The following HHATL variants were observed in gnomAD, a reference collection of about 807,000 sequenced individuals.
HHATL encodes protein-cysteine N-palmitoyltransferase HHAT-like protein.
A neutral mutation model predicts 59.7 loss-of-function variants in HHATL; 49 were observed. That is an observed-to-expected ratio of 0.82 (90% CI 0.65 to 1.04). The LOEUF is 1.04. HHATL is among the 50% of genes least tolerant of loss of function. The pLI, the probability that HHATL is intolerant of heterozygous loss-of-function variation, is 0.00. For missense variants in HHATL, 605 were observed against 650.8 expected (o/e 0.93, Z 0.77); for synonymous variants, 238 against 257.3 (o/e 0.93, Z 0.72).
At chr3:42,700,218 GTT>G (rs1697886472) in intron 2 of HHATL, among the ~76,000 whole-genome samples, 1 of 148,650 alleles carries the variant, frequency 6.7e-6, no homozygotes, top group Non-Finnish European at 1.5e-5. Flanking sequence ...ATGTCTGTGT[GTT>G]TGTGTGTGTG....
intron 7 of HHATL, 114 bp from the exon 8 acceptor site, chr3:42,697,259 G>T: frequency 7.5e-7 from 1 of 1,334,634 alleles, no homozygotes; most frequent in Non-Finnish European, 1.0e-6. Flanking sequence ...GCCCCACGGA[G>T]ACCCCCCCAT....
In HHATL at chr3:42,699,765, C is replaced by T. The variant is rs771353911; in HGVS notation, c.167G>A (p.Arg56Gln). Reference sequence around the variant, plus strand: ...GGGATGTGGGGGACCTACCATCTTCCGGCCAATGTACTCCCAGCCAGGTCG... The same window carrying T: ...GGGATGTGGGGGACCTACCATCTTCTGGCCAATGTACTCCCAGCCAGGTCG... ...SVRPGWEYIG[R>Q]KMDVADFEWV... The change falls in exon 3 of 12, where the codon CGG becomes CAG. Residue 56 changes from arginine (R) to glutamine (Q), a missense_variant. Physicochemically the swap from Arg to Gln is conservative, Grantham distance 43 (BLOSUM62 1). Coordinates refer to ENST00000441594, the MANE Select transcript of HHATL (RefSeq NM_020707.4). 21 of 1,579,448 alleles carry T rather than the reference C, an allele frequency of 1.3e-5. No individual in the cohort carries two copies. Among genetic ancestry groups the T allele is most frequent in the Admixed American group, 8.9e-5 (5 of 55,880 alleles).
At chr3:42,693,298 C>T (rs1295185046) in intron 10 of HHATL, 80 bp from the exon 11 acceptor site, 1 of 1,558,744 alleles carries the variant, frequency 6.4e-7, no homozygotes, top group Non-Finnish European at 8.7e-7. Context: ...GCCTTACCCA[C>T]CTGGCCAGTC....
chr3:42,698,611 G>T, intron 5 of HHATL, 97 bp downstream of exon 5: 1 of 1,386,978 alleles, frequency 7.2e-7, no homozygotes, highest in Non-Finnish European at 9.8e-7. Context: ...GGAAAGTGAA[G>T]GGAATACTTG....
Position 42,701,078 on chromosome 3 carries a change from C to T in HHATL, c.-13-239G>A, listed in dbSNP as rs9837412. On this transcript the variant is annotated intron_variant, in intron 1 of 11. Transcript: ENST00000441594. The surrounding 1 kb of genome is among the most constrained non-coding windows in gnomAD (Gnocchi z 5.1). ...CACCCCACCCATCAAGGCTCTTGCC[C>T]GCAGAGCCCTCACTCGCAGCCTGCC... 10 of 497,712 alleles carry T rather than the reference C, an allele frequency of 2.0e-5. No individual in the cohort carries two copies. The highest frequency in any genetic ancestry group is 6.3e-5 in the South Asian group (2 of 31,818). 30.8% of individuals were successfully genotyped at this position (497,712 alleles called of 1,614,324 possible). A position where few individuals can be genotyped will look rare whatever the true frequency, so the allele number is the denominator to read the frequency against.
chr3:42,697,410 G>T, intron 7 of HHATL, 98 bp downstream of exon 7: 1 of 1,372,484 alleles, frequency 7.3e-7, no homozygotes, highest in Non-Finnish European at 1.0e-6. Flanking sequence ...GCTGTGCCCT[G>T]CGTGCCTCAG....
intron 8 of HHATL, 22 bp from the exon 9 acceptor site, chr3:42,696,899 G>T: frequency 1.2e-6 from 2 of 1,614,148 alleles, no homozygotes; most frequent in Non-Finnish European, 1.7e-6. Context: ...AAGCAGATGG[G>T]CATGTTGCCA....
Position 42,700,812 on chromosome 3 carries a change from T to A in HHATL, c.15A>T (p.Thr5=). The A allele has an allele frequency of 1.2e-6, 2 of 1,613,700 alleles. No homozygotes were observed. The highest frequency in any genetic ancestry group is 1.7e-6 in the Non-Finnish European group (2 of 1,179,696). Residue 5 remains threonine (T), a synonymous_variant, in exon 2 of 12, where the codon ACA becomes ACT. Coordinates refer to ENST00000441594, the MANE Select transcript of HHATL (RefSeq NM_020707.4). MGIK[T]ALPAAELGLY... ...GGCCCAGCTCAGCCGCCGGCAATGC[T>A]GTCTTGATGCCCATAGCCTGGACAG...
In HHATL at chr3:42,699,821, C is replaced by A; in HGVS notation, c.111G>T (p.Gly37=). 1 of 1,561,738 alleles carries A rather than the reference C, an allele frequency of 6.4e-7. No individual in the cohort carries two copies. The highest frequency in any genetic ancestry group is 8.7e-7 in the Non-Finnish European group (1 of 1,152,286). ...GRGLLEASQD[G]AHRKAFRESV... ...ACTCCCGGAAGGCCTTCCTGTGGGC[C>A]CCATCTGAGAACAGAGTGTGGCCTC... is the stretch of plus-strand genomic sequence containing the variant. Residue 37 remains glycine, a synonymous_variant, in exon 3 of 12, where the codon GGG becomes GGT. Coordinates refer to ENST00000441594, the MANE Select transcript of HHATL (RefSeq NM_020707.4).
At chr3:42,698,606 G>T in intron 5 of HHATL, 102 bp downstream of exon 5, 2 of 1,370,066 alleles carry the variant, frequency 1.5e-6, no homozygotes, top group Non-Finnish European at 2.0e-6. Flanking sequence ...CAGGTGGAAA[G>T]TGAAGGGAAT....
At chr3:42,700,092 G>A (rs1697875311) in intron 2 of HHATL, among the ~76,000 whole-genome samples, 1 of 151,214 alleles carries the variant, frequency 6.6e-6, no homozygotes, top group Non-Finnish European at 1.5e-5. Flanking sequence ...GTGTGTGTGT[G>A]TGTGTGTCGG....
intron 6 of HHATL, 150 bp from the exon 7 acceptor site, chr3:42,697,829 CT>C: frequency 2.3e-6 from 2 of 855,126 alleles, no homozygotes; most frequent in Non-Finnish European, 3.5e-6. Flanking sequence ...ACCCTGGAGT[CT>C]GAGGAGGATT....
intron 2 of HHATL, 106 bp from the exon 3 acceptor site, chr3:42,699,931 G>C: frequency 3.6e-6 from 3 of 838,970 alleles, no homozygotes; most frequent in Non-Finnish European, 5.8e-6. Flanking sequence ...CATCAGGAAC[G>C]GGGCACGGGT....
At chr3:42,692,954 G>C in intron 11 of HHATL, 79 bp from the exon 12 acceptor site, 1 of 1,576,630 alleles carries the variant, frequency 6.3e-7, no homozygotes, top group Admixed American at 1.7e-5. Flanking sequence ...CCCTCTCCCC[G>C]CTTGATGGGC....
At position 42,697,163 on chromosome 3, in the gene HHATL, T is replaced by A; in HGVS notation, c.866-18A>T. The A allele has an allele frequency of 6.6e-7, 1 of 1,513,618 alleles. No homozygotes were observed. Among genetic ancestry groups the A allele is most frequent in the Non-Finnish European group, 8.8e-7 (1 of 1,131,104 alleles). The allele number at this position is 1,513,618 out of a possible 1,614,324, so 93.8% of individuals were successfully genotyped here. ...TAGGCCAGCTGGGGGCAGGGCACTG[T>A]CACTGCCTGGGGTCCAATCGCCTGG... On this transcript the variant is annotated intron_variant, in intron 7 of 11. Transcript: ENST00000441594.
Position 42,697,493 on chromosome 3 carries a change from C to A in HHATL, c.865+15G>T. 1 of 1,608,880 alleles carries A rather than the reference C, an allele frequency of 6.2e-7. No homozygotes were observed. ...GGGCGGCAGCCCTGCCCCCATTTCT[C>A]TTCTGTGGACCCACCGAGGGCACTG... On this transcript the variant is annotated intron_variant, in intron 7 of 11. Coordinates refer to ENST00000441594, the MANE Select transcript of HHATL (RefSeq NM_020707.4).
At chr3:42,694,039 T>A (rs916994498) in intron 9 of HHATL, 1 of 581,178 alleles carries the variant, frequency 1.7e-6, no homozygotes, top group African/African-American at 1.9e-5. Flanking sequence ...ACTTCCCAAA[T>A]GATCTCATCC....
At position 42,692,691 on chromosome 3, in the gene HHATL, G is replaced by A; in HGVS notation, c.*60C>T. Reference sequence around the variant, plus strand: ...TGTAGAAAAGTCTTTTATTCTATCGGTCAGGCCCCATCTGGCCCAAGAATA... The same window carrying A: ...TGTAGAAAAGTCTTTTATTCTATCGATCAGGCCCCATCTGGCCCAAGAATA... On this transcript the variant is annotated 3_prime_UTR_variant, in exon 12 of 12. Coordinates refer to ENST00000441594, the MANE Select transcript of HHATL (RefSeq NM_020707.4). 5.0e-6 allele frequency: 8 copies of A among 1,613,016 alleles called. No homozygotes were observed. The highest frequency in any genetic ancestry group is 4.4e-5 in the South Asian group (4 of 90,928).
intron 9 of HHATL, among the ~76,000 whole-genome samples, chr3:42,695,503 A>G (rs191965715): frequency 2.5e-4 from 38 of 152,286 alleles, no homozygotes; most frequent in African/African-American, 9.1e-4. Flanking sequence ...CTGGGTACTC[A>G]GTGCCAAGAT....
Sources: gnomAD v4.1 joint callset for allele counts (sites outside exome capture counted in the v4.1 genomes callset) on GRCh38, gnomAD v4.1.1 for gene constraint, Gnocchi (gnomAD v3.1) non-coding constraint, MANE v1.5 for transcripts, NCBI Gene and HGNC (gene_info 2026-07-23, HGNC 2026-07-21) for gene names.